The following SIDT1 variants were observed in gnomAD, a reference collection of about 807,000 sequenced individuals.
SIDT1 encodes the protein SID1 transmembrane family member 1, also known as SID1 transmembrane family, member 1.
Under a neutral mutation model 107.5 loss-of-function variants are expected in SIDT1, and 101 were observed. The ratio of observed to expected loss-of-function variants is 0.94; its 90% CI spans 0.80 to 1.11. The LOEUF (loss-of-function observed/expected upper bound fraction) is 1.11. Among genes scored for constraint, SIDT1 ranks in the 50% least tolerant of loss-of-function variants. The pLI, the probability that SIDT1 is intolerant of heterozygous loss-of-function variation, is 0.00. For synonymous variants in SIDT1, 395 were observed against 398.2 expected, an observed-to-expected ratio of 0.99 and a Z score of 0.10; for missense variants, 1,076 against 1,058.2, an observed-to-expected ratio of 1.02 and a Z score of -0.23.
At position 113,584,770 on chromosome 3, in the gene SIDT1, G is replaced by A. The variant is rs1339305135; in HGVS notation, c.907+1G>A. ...GTGACCATTGTCCCTTCCATTAAAG[G>A]TCAGTGTTGGCTCCAGAATGCATTG... On this transcript the variant is annotated splice_donor_variant, in intron 8 of 24. Transcript: ENST00000264852. LOFTEE classifies it high-confidence loss of function. The A allele has an allele frequency of 1.3e-6, 2 of 1,584,036 alleles. No homozygotes were observed. Among genetic ancestry groups the A allele is most frequent in the Admixed American group, 3.9e-5 (2 of 51,602 alleles).
intron 10 of SIDT1, among the ~76,000 whole-genome samples, chr3:113,596,274 C>CT (rs1944542106): frequency 6.6e-6 from 1 of 152,178 alleles, no homozygotes; most frequent in African/African-American, 2.4e-5. Flanking sequence ...AATCAGGTCC[C>CT]TACAGGTTGC....
At chr3:113,636,060 A>G in the SIDT1 span, among the ~76,000 whole-genome samples, 1 of 151,936 alleles carries the variant, frequency 6.6e-6, no homozygotes, top group South Asian at 2.1e-4. Context: ...ATGCTAACGT[A>G]CTCCTGTTTC....
intron 1 of SIDT1, among the ~76,000 whole-genome samples, chr3:113,552,239 G>A (rs1940336294): frequency 6.6e-6 from 1 of 152,096 alleles, no homozygotes; most frequent in African/African-American, 2.4e-5. Context: ...ACCTTCACCG[G>A]GGAGGAAGAA....
At chr3:113,602,587 A>C (rs1196402844) in intron 11 of SIDT1, 1 of 152,862 alleles carries the variant, frequency 6.5e-6, no homozygotes. Context: ...TACTTTACCC[A>C]TGAGAAATGT....
chr3:113,537,552 A>C (rs1327634696), intron 1 of SIDT1, among the ~76,000 whole-genome samples: 4 of 152,186 alleles, frequency 2.6e-5, no homozygotes, highest in Non-Finnish European at 5.9e-5. Flanking sequence ...GTCCTCCCAC[A>C]TCCTTTTGCT....
At chr3:113,606,293 C>G (rs899512040) in intron 14 of SIDT1, 1 of 152,126 alleles carries the variant, frequency 6.6e-6, no homozygotes, top group East Asian at 1.9e-4. Context: ...ACCTGGGAAG[C>G]TTTTACAAAT....
chr3:113,551,742 T>C (rs989816192), intron 1 of SIDT1, among the ~76,000 whole-genome samples: 1 of 152,102 alleles, frequency 6.6e-6, no homozygotes, highest in African/African-American at 2.4e-5. Context: ...CAAATTTTCT[T>C]TAGTGTTTCA....
At chr3:113,615,654 C>T (rs941724058) in intron 19 of SIDT1, among the ~76,000 whole-genome samples, 20 of 152,156 alleles carry the variant, frequency 1.3e-4, no homozygotes, top group African/African-American at 4.8e-4. Flanking sequence ...AACTTATAAC[C>T]GCATTGAGAA....
At chr3:113,543,874 A>G (rs2107612682) in intron 1 of SIDT1, among the ~76,000 whole-genome samples, 1 of 152,304 alleles carries the variant, frequency 6.6e-6, no homozygotes, top group Non-Finnish European at 1.5e-5. Context: ...TCCTGAAACA[A>G]TTGAGAGTAA....
At chr3:113,613,133 C>G (rs945816949) in intron 19 of SIDT1, among the ~76,000 whole-genome samples, 49 of 152,354 alleles carry the variant, frequency 3.2e-4, no homozygotes, top group African/African-American at 1.2e-3. Context: ...AGGAGTCTCA[C>G]AAGTGTGCAT....
intron 10 of SIDT1, 78 bp downstream of exon 10, chr3:113,593,126 C>T: frequency 1.6e-6 from 2 of 1,218,570 alleles, no homozygotes; most frequent in Non-Finnish European, 1.2e-6. Context: ...TCTTTTACCT[C>T]TCTGCCTTTT....
intron 1 of SIDT1, among the ~76,000 whole-genome samples, chr3:113,565,938 GTGT>G (rs1418666773): frequency 1.5e-4 from 23 of 152,302 alleles, no homozygotes; most frequent in Admixed American, 6.5e-4. Context: ...GGCTTTGTGT[GTGT>G]TGTTTTATTT....
intron 1 of SIDT1, among the ~76,000 whole-genome samples, chr3:113,556,875 A>G (rs1381491198): frequency 7.8e-6 from 1 of 127,544 alleles, no homozygotes; most frequent in Non-Finnish European, 1.6e-5. Flanking sequence ...GCTGGAGTGC[A>G]GTGGCAGGAT....
chr3:113,588,468 C>A (rs1418779195), intron 9 of SIDT1, among the ~76,000 whole-genome samples: 1 of 152,164 alleles, frequency 6.6e-6, no homozygotes, highest in Non-Finnish European at 1.5e-5. Flanking sequence ...TTACGAATAC[C>A]TATGGGGTTT....
intron 3 of SIDT1, among the ~76,000 whole-genome samples, chr3:113,572,952 T>C (rs1942585495): frequency 6.6e-6 from 1 of 152,070 alleles, no homozygotes; most frequent in African/African-American, 2.4e-5. Context: ...ACTATATAAT[T>C]ACCTTTGGTA....
At chr3:113,543,103 G>C (rs997189400) in intron 1 of SIDT1, among the ~76,000 whole-genome samples, 1 of 152,000 alleles carries the variant, frequency 6.6e-6, no homozygotes, top group Non-Finnish European at 1.5e-5. Context: ...ACCATGCCCA[G>C]CTAATTTTTG....
intron 20 of SIDT1, among the ~76,000 whole-genome samples, chr3:113,617,696 C>T (rs578104731): frequency 1.3e-5 from 2 of 152,346 alleles, no homozygotes; most frequent in African/African-American, 4.8e-5. Context: ...ACCTGTGAAA[C>T]AGGAGAGGCA....
At chr3:113,545,049 A>G (rs1939423143) in intron 1 of SIDT1, among the ~76,000 whole-genome samples, 1 of 133,716 alleles carries the variant, frequency 7.5e-6, no homozygotes, top group African/African-American at 2.8e-5. Flanking sequence ...CAGGAGGCGG[A>G]GTTTGCAGTG....
intron 1 of SIDT1, among the ~76,000 whole-genome samples, chr3:113,558,436 C>T (rs575778231): frequency 9.9e-5 from 15 of 152,280 alleles, no homozygotes; most frequent in African/African-American, 3.6e-4. Flanking sequence ...GATTTCTGCA[C>T]ATCTTACAGG....
Sources: gnomAD v4.1 joint callset for allele counts (sites outside exome capture counted in the v4.1 genomes callset) on GRCh38, gnomAD v4.1.1 for gene constraint, MANE v1.5 for transcripts, NCBI Gene and HGNC (gene_info 2026-07-23, HGNC 2026-07-21) for gene names.